Variants in ANGPTL3 observed in about 807,000 individuals in gnomAD.
ANGPTL3 encodes the protein angiopoietin-related protein 3.
In ANGPTL3, 51 loss-of-function variants were observed where a neutral mutation model predicts 52.7. The ratio of observed to expected loss-of-function variants is 0.97; its 90% CI spans 0.77 to 1.22. The LOEUF (loss-of-function observed/expected upper bound fraction) is 1.22. Among genes scored for constraint, ANGPTL3 ranks in the 50% most tolerant of loss-of-function variants. The pLI, the probability that ANGPTL3 is intolerant of heterozygous loss-of-function variation, is 0.00. For missense variants in ANGPTL3, 506 were observed against 520.7 expected (o/e 0.97, Z 0.27); for synonymous variants, 185 against 179.8 (o/e 1.03, Z -0.23).
chr1:62,604,140 A>G lies in ANGPTL3; in HGVS notation c.1103A>G (p.Asn368Ser), dbSNP rs1421296766. 1 of 1,613,416 alleles carries G rather than the reference A, an allele frequency of 6.2e-7. No homozygotes were observed. Among genetic ancestry groups the G allele is most frequent in the Admixed American group, 1.7e-5 (1 of 59,958 alleles). Residue 368 changes from asparagine to serine, a missense_variant, in exon 6 of 7, where the codon AAT (asparagine) becomes AGT (serine). Transcript: ENST00000371129. The stretch of plus-strand genomic sequence containing the variant: ...CTACATCTAGTTGCGATTACTGGCA[A>G]TGTCCCCAATGCAATCCCGGAAAAC... ...YTLHLVAITG[N>S]VPNAIPENKD...
At chr1:62,603,859 T>G in intron 5 of ANGPTL3, 110 bp from the exon 6 acceptor site, 1 of 1,028,666 alleles carries the variant, frequency 9.7e-7, no homozygotes. Flanking sequence ...GATCAAGGGA[T>G]TCAAGACTAA....
rs1046249091 is a variant in ANGPTL3 at position 62,605,137 on chromosome 1, T to C, written c.*320T>C. 7 of 241,866 alleles carry C rather than the reference T, an allele frequency of 2.9e-5. No individual in the cohort carries two copies. Among genetic ancestry groups the C allele is most frequent in the Non-Finnish European group, 4.9e-5 (6 of 123,338 alleles). The allele number at this position is 241,866 out of a possible 1,614,324, so 15.0% of individuals were successfully genotyped here. A position where few individuals can be genotyped will look rare whatever the true frequency, so the allele number is the denominator to read the frequency against. On this transcript the variant is annotated 3_prime_UTR_variant, in exon 7 of 7. Coordinates refer to ENST00000371129, the MANE Select transcript of ANGPTL3 (RefSeq NM_014495.4). ...TTTCTAAATAAAAAATTTAGAGACTTTTATTTTAAAAGGCATCATATGAGC... is the reference window on the plus strand; with the variant it reads ...TTTCTAAATAAAAAATTTAGAGACTCTTATTTTAAAAGGCATCATATGAGC...
Position 62,604,216 on chromosome 1 carries a change from C to T in ANGPTL3, c.1179C>T (p.Asn393=). The T allele has an allele frequency of 6.2e-7, 1 of 1,613,266 alleles. No individual in the cohort carries two copies. The highest frequency in any genetic ancestry group is 8.5e-7 in the Non-Finnish European group (1 of 1,179,336). The change falls in exon 6 of 7, where the codon AAC becomes AAT. Residue 393 remains asparagine (N), a synonymous_variant. Transcript: ENST00000371129. ...TWDHKAKGHF[N]CPEGYSGGWW... Reference sequence around the variant, plus strand: ...ATCACAAAGCAAAAGGACACTTCAACTGTCCAGAGGGTTATTCAGGTATCT... The same window carrying T: ...ATCACAAAGCAAAAGGACACTTCAATTGTCCAGAGGGTTATTCAGGTATCT...
intron 1 of ANGPTL3, 138 bp from the exon 2 acceptor site, chr1:62,598,558 T>C: frequency 3.1e-6 from 2 of 648,490 alleles, no homozygotes; most frequent in East Asian, 2.8e-5. Flanking sequence ...GAAAGAAGCA[T>C]ACAAGGGGAA....
chr1:62,598,173 T>A lies in ANGPTL3; in HGVS notation c.495+112T>A, dbSNP rs759642499. 2.8e-6 allele frequency: 3 copies of A among 1,060,568 alleles called. No individual in the cohort carries two copies. In the Admixed American group the frequency reaches 9.3e-5, roughly 33 times the overall value. The allele number at this position is 1,060,568 out of a possible 1,614,324, so 65.7% of individuals were successfully genotyped here. ...ACTTTGTTGCATTGTTGAAATACTT[T>A]TTTTTCCAAGAAAAATAATCTCCAG... On this transcript the variant is annotated intron_variant, in intron 1 of 6. Coordinates refer to ENST00000371129, the MANE Select transcript of ANGPTL3 (RefSeq NM_014495.4).
Position 62,603,952 on chromosome 1 carries a change from A to C in ANGPTL3, c.932-17A>C, listed in dbSNP as rs745739624. On this transcript the variant is annotated splice_polypyrimidine_tract_variant and intron_variant, in intron 5 of 6. Transcript: ENST00000371129. ...TGTACTTAATAACTCACAGATTTTTAAAACTTTTCTTTTCAGGAGAATTTT... is the reference window on the plus strand; with the variant it reads ...TGTACTTAATAACTCACAGATTTTTCAAACTTTTCTTTTCAGGAGAATTTT... 42 of 1,611,168 alleles carry C rather than the reference A, an allele frequency of 2.6e-5. No individual in the cohort carries two copies. The highest frequency in any genetic ancestry group is 2.5e-5 in the Non-Finnish European group (30 of 1,178,024).
rs1319925385 is a variant in ANGPTL3, at chr1:62,597,674, A to C, written c.108A>C (p.Arg36Ser). The C allele has an allele frequency of 6.2e-7, 1 of 1,613,518 alleles. No homozygotes were observed. Among genetic ancestry groups the C allele is most frequent in the Non-Finnish European group, 8.5e-7 (1 of 1,179,690 alleles). ...CTCTATCTCCAGAGCCAAAATCAAGATTTGCTATGTTAGACGATGTAAAAA... is the reference window on the plus strand; with the variant it reads ...CTCTATCTCCAGAGCCAAAATCAAGCTTTGCTATGTTAGACGATGTAAAAA... ...FDSLSPEPKS[R>S]FAMLDDVKIL... is the part of the protein sequence containing the mutation. Residue 36 changes from arginine to serine, a missense_variant, in exon 1 of 7, where the codon AGA becomes AGC. Coordinates refer to ENST00000371129, the MANE Select transcript of ANGPTL3 (RefSeq NM_014495.4).
rs139454153 is a variant in ANGPTL3 at position 62,603,791 on chromosome 1, A to G, written c.932-178A>G. 1.5e-3 allele frequency among the ~76,000 whole-genome samples: 233 copies of G among 152,018 alleles called. 4 individuals carry two copies. The highest frequency in any genetic ancestry group is 5.2e-3 in the African/African-American group (217 of 41,548). ...ATTAATATTTTTAACATTTTTGTGC[A>G]CATAGCTATCTTCAATAAAATTGTT... On this transcript the variant is annotated intron_variant, in intron 5 of 6. Transcript: ENST00000371129.
chr1:62,604,822 A>T lies in ANGPTL3; in HGVS notation c.*5A>T, dbSNP rs1557788896. The stretch of plus-strand genomic sequence containing the variant: ...GATTCAGAAAGCTTTGAATGAACTG[A>T]GGCAAATTTAAAAGGCAATAATTTA... On this transcript the variant is annotated 3_prime_UTR_variant, in exon 7 of 7. Coordinates refer to ENST00000371129, the MANE Select transcript of ANGPTL3 (RefSeq NM_014495.4). The T allele has an allele frequency of 6.2e-7, 1 of 1,612,132 alleles. No individual in the cohort carries two copies. The highest frequency in any genetic ancestry group is 1.7e-4 in the Middle Eastern group (1 of 6,050).
In ANGPTL3 at chr1:62,601,778, C is replaced by A. The variant is rs774189215; in HGVS notation, c.731C>A (p.Ala244Asp). ...IRNVKHDGIP[A>D]ECTTIYNRGE... ...ATTTTATTGATTCTAGGCATTCCTG[C>A]TGAATGTACCACCATTTATAACAGA... The change falls in exon 4 of 7, where the codon GCT becomes GAT. Residue 244 changes from alanine to aspartate, a missense_variant. Ala to Asp is a moderately radical substitution (Grantham distance 126). Transcript: ENST00000371129. 6 of 1,605,294 alleles carry A rather than the reference C, an allele frequency of 3.7e-6. No individual in the cohort carries two copies. Among genetic ancestry groups the A allele is most frequent in the Non-Finnish European group, 5.1e-6 (6 of 1,173,682 alleles).
rs1650792357 is a variant in ANGPTL3, at chr1:62,605,134, A to T, written c.*317A>T. Reference sequence around the variant, plus strand: ...ACTTTTCTAAATAAAAAATTTAGAGACTTTTATTTTAAAAGGCATCATATG... The same window carrying T: ...ACTTTTCTAAATAAAAAATTTAGAGTCTTTTATTTTAAAAGGCATCATATG... On this transcript the variant is annotated 3_prime_UTR_variant, in exon 7 of 7. Coordinates refer to ENST00000371129, the MANE Select transcript of ANGPTL3 (RefSeq NM_014495.4). The T allele has an allele frequency of 4.1e-6, 1 of 242,850 alleles. No individual in the cohort carries two copies. Among genetic ancestry groups the T allele is most frequent in the Non-Finnish European group, 8.1e-6 (1 of 124,040 alleles). The allele number at this position is 242,850 out of a possible 1,614,324, so 15.0% of individuals were successfully genotyped here.
In ANGPTL3 at chr1:62,598,076, A is replaced by C; in HGVS notation, c.495+15A>C. 1 of 1,571,850 alleles carries C rather than the reference A, an allele frequency of 6.4e-7. No individual in the cohort carries two copies. The highest frequency in any genetic ancestry group is 8.6e-7 in the Non-Finnish European group (1 of 1,165,222). ...CTTCACTTAAAGTAAGTAGAAAATA[A>C]AGAGGGTTCATGTTTATGTTTTCAA... is the stretch of plus-strand genomic sequence containing the variant. On this transcript the variant is annotated intron_variant, in intron 1 of 6. Transcript: ENST00000371129.
intron 1 of ANGPTL3, 22 bp from the exon 2 acceptor site, chr1:62,598,674 C>G (rs1649650663): frequency 7.2e-7 from 1 of 1,394,236 alleles, no homozygotes; most frequent in Non-Finnish European, 1.0e-6. Context: ...CAACTTATAA[C>G]CAACCTACTC....
rs921763323 is a variant in ANGPTL3 at position 62,606,186 on chromosome 1, G to T, written c.*1369G>T. On this transcript the variant is annotated 3_prime_UTR_variant, in exon 7 of 7. Transcript: ENST00000371129. The stretch of plus-strand genomic sequence containing the variant: ...TTTCAGGACCACAGACTAAGCTGTC[G>T]AAATTAACGCTGATTTTTTTAGGGC... The T allele has an allele frequency of 6.6e-6, 1 of 151,690 alleles. No homozygotes were observed. Among genetic ancestry groups the T allele is most frequent in the Non-Finnish European group, 1.5e-5 (1 of 67,892 alleles). The allele number at this position is 151,690 out of a possible 1,614,324, so 9.4% of individuals were successfully genotyped here.
intron 5 of ANGPTL3, among the ~76,000 whole-genome samples, chr1:62,602,626 A>G (rs1650319356): frequency 6.6e-6 from 1 of 151,696 alleles, no homozygotes; most frequent in African/African-American, 2.4e-5. Context: ...ATTTAATTCC[A>G]CGGCTTACAA....
intron 2 of ANGPTL3, among the ~76,000 whole-genome samples, chr1:62,600,484 A>C (rs960727746): frequency 6.6e-6 from 1 of 151,822 alleles, no homozygotes; most frequent in Admixed American, 6.6e-5. Context: ...ACTGTCAATG[A>C]GAAAAACTAT....
Position 62,604,967 on chromosome 1 carries a change from C to T in ANGPTL3, c.*150C>T, listed in dbSNP as rs1485796920. On this transcript the variant is annotated 3_prime_UTR_variant, in exon 7 of 7. Coordinates refer to ENST00000371129, the MANE Select transcript of ANGPTL3 (RefSeq NM_014495.4). ...CACTGTCTATTTAAGATTAAACATACAATCACATAACCTTAAAGAATACCG... is the reference window on the plus strand; with the variant it reads ...CACTGTCTATTTAAGATTAAACATATAATCACATAACCTTAAAGAATACCG... The T allele has an allele frequency of 9.6e-6, 7 of 729,980 alleles. No individual in the cohort carries two copies. The highest frequency in any genetic ancestry group is 2.7e-5 in the East Asian group (1 of 36,966). 45.2% of individuals were successfully genotyped at this position (729,980 alleles called of 1,614,324 possible). A position where few individuals can be genotyped will look rare whatever the true frequency, so the allele number is the denominator to read the frequency against.
chr1:62,598,568 A>C (rs1305861226), intron 1 of ANGPTL3, 128 bp from the exon 2 acceptor site: 1 of 662,646 alleles, frequency 1.5e-6, no homozygotes, highest in Non-Finnish European at 2.8e-6. Flanking sequence ...TACAAGGGGA[A>C]GGAATTGCCA....
rs143189908 is a variant in ANGPTL3 at position 62,597,642 on chromosome 1, T to C, written c.76T>C (p.Phe26Leu). 44 of 1,613,360 alleles carry C rather than the reference T, an allele frequency of 2.7e-5. No individual in the cohort carries two copies. The African/African-American group carries it at 4.9e-4, about 18-fold the overall frequency. The change falls in exon 1 of 7, where the codon TTT becomes CTT. Residue 26 changes from phenylalanine (F) to leucine (L), a missense_variant. Transcript: ENST00000371129. ...CAGAATTGATCAAGACAATTCATCA[T>C]TTGATTCTCTATCTCCAGAGCCAAA... ...SSRIDQDNSS[F>L]DSLSPEPKSR...
Sources: allele counts gnomAD v4.1 joint callset (sites outside exome capture counted in the v4.1 genomes callset), GRCh38; gene constraint gnomAD v4.1.1; transcripts MANE v1.5; gene names NCBI Gene and HGNC (gene_info 2026-07-23, HGNC 2026-07-21).